Variants in ZFAND3 observed in about 807,000 individuals in gnomAD.
ZFAND3 encodes AN1-type zinc finger protein 3.
In ZFAND3, 10 loss-of-function variants were observed where a neutral mutation model predicts 29.6. That is an observed-to-expected ratio of 0.34 (90% CI 0.21 to 0.57). The LOEUF (loss-of-function observed/expected upper bound fraction) is 0.57. Among genes scored for constraint, ZFAND3 ranks in the 20% least tolerant of loss-of-function variants. The probability of loss-of-function intolerance (pLI) is 0.86; values close to 1 mark genes in which losing one functional copy is unlikely to be tolerated. For synonymous variants in ZFAND3, 128 were observed against 112.6 expected, an observed-to-expected ratio of 1.14 and a Z score of -0.87; for missense variants, 230 against 304.5, an observed-to-expected ratio of 0.76 and a Z score of 1.82.
Position 38,039,942 on chromosome 6 carries a change from G to C in ZFAND3, c.113-21651G>C, listed in dbSNP as rs573077322. The stretch of plus-strand genomic sequence containing the variant: ...TTACTGTGAAAGAAAGCCGACTATT[G>C]TTCAGAAAACAATATTATTCTTCCT... On this transcript the variant is annotated intron_variant, in intron 2 of 5. Transcript: ENST00000287218. 9.9e-5 allele frequency among the ~76,000 whole-genome samples: 15 copies of C among 151,922 alleles called. No individual in the cohort carries two copies. In the East Asian group the frequency reaches 2.1e-3, roughly 22 times the overall value.
At chr6:38,140,555 T>C (rs1246235800) in intron 5 of ZFAND3, among the ~76,000 whole-genome samples, 1 of 152,176 alleles carries the variant, frequency 6.6e-6, no homozygotes, top group Non-Finnish European at 1.5e-5. Flanking sequence ...AGTGGCTCAA[T>C]AATGGCTCAC....
intron 2 of ZFAND3, among the ~76,000 whole-genome samples, chr6:38,005,811 A>G (rs1763037944): frequency 6.6e-6 from 1 of 152,224 alleles, no homozygotes; most frequent in Non-Finnish European, 1.5e-5. Flanking sequence ...TATGAGGAAA[A>G]GTTGACCACT....
At chr6:37,967,031 A>G (rs891898965) in intron 2 of ZFAND3, among the ~76,000 whole-genome samples, 2 of 152,148 alleles carry the variant, frequency 1.3e-5, no homozygotes, top group Non-Finnish European at 2.9e-5. Context: ...CAGGGCATAC[A>G]TTTTCAGTTT....
At chr6:37,884,893 G>T (rs1388119045) in intron 1 of ZFAND3, among the ~76,000 whole-genome samples, 1 of 152,192 alleles carries the variant, frequency 6.6e-6, no homozygotes, top group Non-Finnish European at 1.5e-5. Flanking sequence ...TGAATTTTGG[G>T]TTGGAATTTT....
At chr6:37,862,625 G>C (rs1764513341) in intron 1 of ZFAND3, among the ~76,000 whole-genome samples, 1 of 151,856 alleles carries the variant, frequency 6.6e-6, no homozygotes, top group East Asian at 1.9e-4. Context: ...GGAGGCTTGA[G>C]CTGGGGAGGT....
intron 2 of ZFAND3, among the ~76,000 whole-genome samples, chr6:38,037,824 TAGA>T (rs1763689027): frequency 6.6e-6 from 1 of 152,126 alleles, no homozygotes; most frequent in African/African-American, 2.4e-5. Flanking sequence ...GTTCACCAAG[TAGA>T]AATAACTGAT....
intron 2 of ZFAND3, among the ~76,000 whole-genome samples, chr6:37,971,831 G>GAAAAAAAA (rs5875604): frequency 9.3e-5 from 11 of 117,890 alleles, no homozygotes; most frequent in South Asian, 2.8e-4. Context: ...TGTACAAAAT[G>GAAAAAAAA]AAAAAAAAAA....
chr6:38,064,846 A>T (rs1185779034), intron 3 of ZFAND3, among the ~76,000 whole-genome samples: 1 of 152,150 alleles, frequency 6.6e-6, no homozygotes, highest in African/African-American at 2.4e-5. Flanking sequence ...AAGTTTCTAC[A>T]GATCTAGGGA....
chr6:37,857,745 A>G (rs1581713085), intron 1 of ZFAND3, among the ~76,000 whole-genome samples: 2 of 152,234 alleles, frequency 1.3e-5, no homozygotes, highest in South Asian at 2.1e-4. Context: ...TCTCAACTTT[A>G]CCAGTCCCTG....
intron 2 of ZFAND3, among the ~76,000 whole-genome samples, chr6:38,058,224 C>G (rs1400738481): frequency 6.6e-6 from 1 of 152,062 alleles, no homozygotes; most frequent in Non-Finnish European, 1.5e-5. Flanking sequence ...GCATCTGTCT[C>G]CAGGCATTGG....
chr6:37,864,738 T>TACACACACAC (rs70977698), intron 1 of ZFAND3, among the ~76,000 whole-genome samples: 13 of 148,984 alleles, frequency 8.7e-5, no homozygotes, highest in African/African-American at 2.9e-4. Context: ...TATGTGGTTA[T>TACACACACAC]ACACACACAC....
rs1765153871 is a variant in ZFAND3, at chr6:38,103,709, G to T, written c.362-12863G>T. Reference sequence around the variant, plus strand: ...CTGTACAAATCTTTGAATTCTTATGGTTATAGACTGACTTGGGGCCAAGGA... The same window carrying T: ...CTGTACAAATCTTTGAATTCTTATGTTTATAGACTGACTTGGGGCCAAGGA... On this transcript the variant is annotated intron_variant, in intron 4 of 5. Coordinates refer to ENST00000287218, the MANE Select transcript of ZFAND3 (RefSeq NM_021943.3). 2.6e-5 allele frequency among the ~76,000 whole-genome samples: 4 copies of T among 151,990 alleles called. No homozygotes were observed. The South Asian group carries it at 8.3e-4, about 32-fold the overall frequency.
chr6:38,097,882 A>G (rs1380352365), intron 4 of ZFAND3, among the ~76,000 whole-genome samples: 1 of 152,216 alleles, frequency 6.6e-6, no homozygotes, highest in East Asian at 1.9e-4. Context: ...AGACATGGAA[A>G]GGAGGTAGAA....
chr6:38,024,457 C>T (rs138956366), intron 2 of ZFAND3, among the ~76,000 whole-genome samples: 9 of 139,078 alleles, frequency 6.5e-5, no homozygotes, highest in African/African-American at 2.2e-4. Flanking sequence ...GGCGACAGAG[C>T]GAGACTCCGT....
intron 2 of ZFAND3, among the ~76,000 whole-genome samples, chr6:38,050,185 C>T (rs1386473951): frequency 6.6e-6 from 1 of 151,812 alleles, no homozygotes; most frequent in Admixed American, 6.6e-5. Flanking sequence ...AAACTCCTGA[C>T]CTCAGTTGAT....
intron 5 of ZFAND3, among the ~76,000 whole-genome samples, chr6:38,137,587 G>A (rs918146040): frequency 6.6e-6 from 1 of 152,182 alleles, no homozygotes; most frequent in African/African-American, 2.4e-5. Flanking sequence ...CTTTAGGGGA[G>A]AGATGCAGTA....
rs957886278 is a variant in ZFAND3, at chr6:37,974,799, T to C, written c.112+44800T>C. 7.9e-5 allele frequency among the ~76,000 whole-genome samples: 12 copies of C among 152,354 alleles called. No homozygotes were observed. In the East Asian group the frequency reaches 2.3e-3, roughly 29 times the overall value. The stretch of plus-strand genomic sequence containing the variant: ...TTCATTCTTTTCTTTTGCTAAGTAG[T>C]ATTCCATTATGTGGGTAGTACTACA... On this transcript the variant is annotated intron_variant, in intron 2 of 5. Coordinates refer to ENST00000287218, the MANE Select transcript of ZFAND3 (RefSeq NM_021943.3).
intron 2 of ZFAND3, among the ~76,000 whole-genome samples, chr6:37,956,729 A>G (rs1160686681): frequency 2.0e-5 from 3 of 152,200 alleles, no homozygotes. Flanking sequence ...AGTTTTGCAT[A>G]TATTTCTAAG....
At chr6:38,002,569 C>T (rs922596247) in intron 2 of ZFAND3, among the ~76,000 whole-genome samples, 8 of 151,910 alleles carry the variant, frequency 5.3e-5, no homozygotes, top group Non-Finnish European at 8.8e-5. Context: ...CCCAGCTACT[C>T]AAGAGGCTGA....
Sources: allele counts gnomAD v4.1 joint callset (sites outside exome capture counted in the v4.1 genomes callset), GRCh38; gene constraint gnomAD v4.1.1; transcripts MANE v1.5; gene names NCBI Gene and HGNC (gene_info 2026-07-23, HGNC 2026-07-21).